Variants in MASP1 observed in about 807,000 individuals in gnomAD.
The protein encoded by MASP1 is MBL associated serine protease 1, also known as mannan-binding lectin serine protease 1.
Under a neutral mutation model 77.1 loss-of-function variants are expected in MASP1, and 59 were observed. The observed-to-expected ratio is 0.77, with a 90% confidence interval of 0.62 to 0.95. The LOEUF (loss-of-function observed/expected upper bound fraction) is 0.95, where lower values mean the gene tolerates loss of function less well. Ranked by LOEUF, MASP1 falls within the 40% of genes least tolerant of loss-of-function variation. The pLI, the probability that MASP1 is intolerant of heterozygous loss-of-function variation, is 0.00. For missense variants in MASP1, 885 were observed against 912.9 expected, an observed-to-expected ratio of 0.97 and a Z score of 0.39; for synonymous variants, 362 against 354.5, an observed-to-expected ratio of 1.02 and a Z score of -0.24.
intron 10 of MASP1, 126 bp from the exon 11 acceptor site, chr3:187,236,693 T>G: frequency 6.5e-7 from 1 of 1,529,178 alleles, no homozygotes; most frequent in South Asian, 1.2e-5. Context: ...GACCCTAACC[T>G]GCCTGGGTCA....
chr3:187,219,440 T>C (rs993401731), exon 16 of MASP1: 2 of 154,662 alleles, frequency 1.3e-5, no homozygotes, highest in Non-Finnish European at 2.9e-5. Flanking sequence ...TAGTTACATT[T>C]GCTAGGGGAC....
Position 187,250,328 on chromosome 3 carries a change from T to A in MASP1, c.1013A>T (p.Asp338Val), listed in dbSNP as rs769585435. 2 of 1,611,232 alleles carry A rather than the reference T, an allele frequency of 1.2e-6. No homozygotes were observed. The highest frequency in any genetic ancestry group is 2.7e-5 in the African/African-American group (2 of 74,866). Residue 338 changes from aspartate (D) to valine (V), a missense_variant and splice_region_variant, in exon 8 of 11, where the codon GAT becomes GTT. Physicochemically the swap from Asp to Val is radical, Grantham distance 152. Coordinates refer to ENST00000296280, the MANE Select transcript of MASP1 (RefSeq NM_139125.4). Reference sequence around the variant, plus strand: ...CTGGAATGTGTCCATCTCCACATTATCCTGGGAAGAGACAGGAAGAAGGGA... The same window carrying A: ...CTGGAATGTGTCCATCTCCACATTAACCTGGGAAGAGACAGGAAGAAGGGA... ...SCDTGYKVLK[D>V]NVEMDTFQIE...
At position 187,285,837 on chromosome 3, in the gene MASP1, A is replaced by G; in HGVS notation, c.225T>C (p.Tyr75=). Residue 75 remains tyrosine, a synonymous_variant, in exon 2 of 11, where the codon TAT becomes TAC. Transcript: ENST00000296280. The part of the protein sequence containing the change: ...FNLESSYLCE[Y]DYVKVETEDQ... Reference sequence around the variant, plus strand: ...TCAGGAGTCTCACCTTCACATAGTCATATTCACAAAGGTAGGAGGATTCCA... The same window carrying G: ...TCAGGAGTCTCACCTTCACATAGTCGTATTCACAAAGGTAGGAGGATTCCA... The G allele has an allele frequency of 6.2e-7, 1 of 1,613,800 alleles. No individual in the cohort carries two copies. The highest frequency in any genetic ancestry group is 8.5e-7 in the Non-Finnish European group (1 of 1,179,682).
intron 2 of MASP1, among the ~76,000 whole-genome samples, chr3:187,281,590 G>C (rs1717416879): frequency 6.6e-6 from 1 of 152,222 alleles, no homozygotes; most frequent in Non-Finnish European, 1.5e-5. Context: ...TCCCCAGCAG[G>C]CTGCAGGCTC....
At chr3:187,278,515 C>A (rs1398120801) in intron 2 of MASP1, among the ~76,000 whole-genome samples, 2 of 152,228 alleles carry the variant, frequency 1.3e-5, no homozygotes, top group African/African-American at 4.8e-5. Flanking sequence ...TTTCTACACC[C>A]ACTCTTACGA....
chr3:187,254,726 C>T (rs1283597660), intron 5 of MASP1, among the ~76,000 whole-genome samples: 1 of 152,030 alleles, frequency 6.6e-6, no homozygotes, highest in East Asian at 1.9e-4. Context: ...GATGAGTTTG[C>T]AGGAGGTTGG....
In MASP1 at chr3:187,234,921, T is replaced by A; in HGVS notation, c.*763A>T. ...TCAGCTGGTGTTCCAGGGTGGCATA[T>A]GGGCCCAAATGTGTTCTGAGTTGAC... On this transcript the variant is annotated 3_prime_UTR_variant, in exon 11 of 11. Transcript: ENST00000296280. The A allele has an allele frequency of 2.3e-6, 3 of 1,287,192 alleles. No individual in the cohort carries two copies. The highest frequency in any genetic ancestry group is 1.2e-5 in the South Asian group (1 of 80,938). The allele number at this position is 1,287,192 out of a possible 1,614,324, so 79.7% of individuals were successfully genotyped here.
chr3:187,252,708 T>C (rs1029027107), intron 6 of MASP1, among the ~76,000 whole-genome samples: 1 of 151,990 alleles, frequency 6.6e-6, no homozygotes, highest in African/African-American at 2.4e-5. Flanking sequence ...ACTTGGGGGA[T>C]GGGGGCATGA....
intron 14 of MASP1, among the ~76,000 whole-genome samples, chr3:187,221,574 A>G (rs1029397700): frequency 6.6e-6 from 1 of 152,174 alleles, no homozygotes; most frequent in Non-Finnish European, 1.5e-5. Context: ...CATCTGAAAA[A>G]TGGAGGTTGC....
chr3:187,277,897 T>C (rs1280897733), intron 2 of MASP1, among the ~76,000 whole-genome samples: 1 of 152,184 alleles, frequency 6.6e-6, no homozygotes, highest in Non-Finnish European at 1.5e-5. Flanking sequence ...TTTCCATAAA[T>C]TGCTAGAAAA....
At chr3:187,253,836 CA>C (rs1714840165) in intron 5 of MASP1, among the ~76,000 whole-genome samples, 3 of 150,938 alleles carry the variant, frequency 2.0e-5, no homozygotes, top group Non-Finnish European at 4.4e-5. Flanking sequence ...CAGGGCCTGT[CA>C]GGGGGTGGCG....
At chr3:187,263,658 T>A (rs1715790773) in intron 2 of MASP1, among the ~76,000 whole-genome samples, 1 of 152,208 alleles carries the variant, frequency 6.6e-6, no homozygotes, top group Non-Finnish European at 1.5e-5. Flanking sequence ...CACCCAAAAA[T>A]AGTTTGAGTG....
intron 1 of MASP1, 109 bp downstream of exon 1, chr3:187,291,519 C>T: frequency 6.9e-7 from 1 of 1,444,910 alleles, no homozygotes; most frequent in South Asian, 1.1e-5. Context: ...CCCTCACTAC[C>T]ACATGCAGGA....
chr3:187,288,924 T>C (rs946106791), intron 1 of MASP1, among the ~76,000 whole-genome samples: 5 of 152,168 alleles, frequency 3.3e-5, no homozygotes, highest in African/African-American at 9.7e-5. Flanking sequence ...TTCAAACATA[T>C]GAAACAAATA....
chr3:187,269,763 C>A (rs1716362288), intron 2 of MASP1, among the ~76,000 whole-genome samples: 1 of 152,112 alleles, frequency 6.6e-6, no homozygotes, highest in Admixed American at 6.5e-5. Context: ...TTGTGGTTAT[C>A]TTATTCTTCT....
At chr3:187,290,436 T>C (rs1223823606) in intron 1 of MASP1, among the ~76,000 whole-genome samples, 2 of 152,248 alleles carry the variant, frequency 1.3e-5, no homozygotes, top group African/African-American at 4.8e-5. Context: ...GACCAGATCA[T>C]TGACAGATAA....
chr3:187,252,743 G>A (rs1714723929), intron 6 of MASP1, among the ~76,000 whole-genome samples: 1 of 152,066 alleles, frequency 6.6e-6, no homozygotes, highest in Non-Finnish European at 1.5e-5. Flanking sequence ...GCTGATGGGG[G>A]GCCCACAAGG....
chr3:187,222,223 T>C (rs1474928256), intron 14 of MASP1, among the ~76,000 whole-genome samples: 1 of 152,206 alleles, frequency 6.6e-6, no homozygotes, highest in Non-Finnish European at 1.5e-5. Flanking sequence ...CTTTCATATG[T>C]TCTGGAGCAT....
At chr3:187,263,169 T>TAA (rs1324266545) in intron 2 of MASP1, 1 of 232,984 alleles carries the variant, frequency 4.3e-6, no homozygotes, top group Non-Finnish European at 8.5e-6. Flanking sequence ...TGATGAGAGA[T>TAA]AGACACAGTG....
Sources: allele counts gnomAD v4.1 joint callset (sites outside exome capture counted in the v4.1 genomes callset), GRCh38; gene constraint gnomAD v4.1.1; transcripts MANE v1.5; gene names NCBI Gene and HGNC (gene_info 2026-07-23, HGNC 2026-07-21).